COL5A2: variants seen among roughly 807,000 people sequenced by gnomAD.
The protein encoded by COL5A2 is collagen type V alpha 2 chain, also known as collagen alpha-2(V) chain.
Under a neutral mutation model 208.2 loss-of-function variants are expected in COL5A2, and 23 were observed. The observed-to-expected ratio is 0.11, with a 90% CI of 0.08 to 0.16. The LOEUF is 0.16. COL5A2 is among the 10% of genes least tolerant of loss of function. The pLI is 1.00. For missense variants in COL5A2, 1,590 were observed against 1,956.4 expected, an observed-to-expected ratio of 0.81 and a Z score of 3.53; for synonymous variants, 625 against 628.5, an observed-to-expected ratio of 0.99 and a Z score of 0.08.
In COL5A2 at chr2:189,041,573, T is replaced by C. The variant is rs761408057; in HGVS notation, c.3633+13A>G. The C allele has an allele frequency of 6.3e-7, 1 of 1,583,904 alleles. No individual in the cohort carries two copies. The highest frequency in any genetic ancestry group is 1.1e-5 in the South Asian group (1 of 90,454). On this transcript the variant is annotated intron_variant, in intron 50 of 53. Transcript: ENST00000374866. The stretch of plus-strand genomic sequence containing the variant: ...AAATAGCATTTCTTGCATGTAAACC[T>C]TTGTGACTTTACCTCAGGTCCTGCT...
intron 1 of COL5A2, among the ~76,000 whole-genome samples, chr2:189,175,685 G>A (rs909950903): frequency 7.3e-5 from 11 of 151,500 alleles, no homozygotes; most frequent in African/African-American, 9.7e-5. Context: ...CTGGGACCAC[G>A]CCTACCTAAT....
At chr2:189,142,134 T>C (rs1687945804) in intron 1 of COL5A2, among the ~76,000 whole-genome samples, 1 of 152,096 alleles carries the variant, frequency 6.6e-6, no homozygotes. Flanking sequence ...TAAAGTTTAA[T>C]CTATATGTTT....
chr2:189,417,802 T>TTGTG, the COL5A2 span, among the ~76,000 whole-genome samples: 1 of 151,426 alleles, frequency 6.6e-6, no homozygotes, highest in East Asian at 1.9e-4. Flanking sequence ...TATTGTTCCA[T>TTGTG]TGTGTGTGTG....
At position 189,068,042 on chromosome 2, in the gene COL5A2, A is replaced by C. The variant is rs1185471175; in HGVS notation, c.1374T>G (p.Thr458=). The change falls in exon 21 of 54, where the codon ACT becomes ACG. Residue 458 remains threonine, a synonymous_variant. Coordinates refer to ENST00000374866, the MANE Select transcript of COL5A2 (RefSeq NM_000393.5). ...GTTGGCCTCGAATTCCCTGAGGACC[A>C]GTGCTACCCTGAGGTCCTGGAGATC... The part of the protein sequence containing the change: ...PPGSPGPQGS[T]GPQGIRGQPG... 1.2e-6 allele frequency: 2 copies of C among 1,614,080 alleles called. No homozygotes were observed. The highest frequency in any genetic ancestry group is 1.7e-5 in the Admixed American group (1 of 59,994).
intron 4 of COL5A2, among the ~76,000 whole-genome samples, 199 bp downstream of exon 4, chr2:189,099,908 T>C (rs1299861045): frequency 3.3e-5 from 5 of 152,216 alleles, no homozygotes; most frequent in African/African-American, 1.2e-4. Flanking sequence ...GTCATGGGAC[T>C]ATAAAAGTCA....
At chr2:189,108,814 C>T (rs918922463) in intron 2 of COL5A2, among the ~76,000 whole-genome samples, 1 of 151,528 alleles carries the variant, frequency 6.6e-6, no homozygotes, top group African/African-American at 2.4e-5. Flanking sequence ...TTCTCATGGC[C>T]CTTGCTTTAT....
At chr2:189,067,526 C>A (rs1304299985) in intron 21 of COL5A2, among the ~76,000 whole-genome samples, 2 of 152,002 alleles carry the variant, frequency 1.3e-5, no homozygotes, top group Admixed American at 1.3e-4. Context: ...ATGGGTTCAT[C>A]AAAATATTTT....
intron 12 of COL5A2, among the ~76,000 whole-genome samples, chr2:189,082,369 A>G (rs962897339): frequency 2.0e-5 from 3 of 152,212 alleles, no homozygotes; most frequent in Non-Finnish European, 2.9e-5. Context: ...TGCTCTCTGA[A>G]CAAATGAAGT....
the COL5A2 span, among the ~76,000 whole-genome samples, chr2:189,356,235 T>C: frequency 1.3e-5 from 2 of 152,174 alleles, 1 homozygote; most frequent in Admixed American, 1.3e-4. Flanking sequence ...TTGGTGAATC[T>C]GAGAATTATG....
chr2:189,045,963 T>A, intron 45 of COL5A2, 56 bp from the exon 46 acceptor site: 1 of 1,424,768 alleles, frequency 7.0e-7, no homozygotes. Context: ...ACAACAATAT[T>A]CCATATGTTC....
chr2:189,318,272 G>A, the COL5A2 span, among the ~76,000 whole-genome samples: 1 of 152,092 alleles, frequency 6.6e-6, no homozygotes, highest in Non-Finnish European at 1.5e-5. Flanking sequence ...AGTATGACAA[G>A]GGGATAAAAA....
At chr2:189,133,074 T>TAACAGGCA (rs1687748906) in intron 1 of COL5A2, 1 of 151,058 alleles carries the variant, frequency 6.6e-6, no homozygotes, top group African/African-American at 2.4e-5. Context: ...TTGAATTCAT[T>TAACAGGCA]AACAGGCAAA....
intron 1 of COL5A2, among the ~76,000 whole-genome samples, chr2:189,126,876 G>C (rs1478349398): frequency 6.6e-6 from 1 of 152,066 alleles, no homozygotes; most frequent in Admixed American, 6.6e-5. Context: ...CAAATACTGA[G>C]TACCTATTAT....
Position 189,142,688 on chromosome 2 carries a change from T to G in COL5A2, c.98-32239A>C, listed in dbSNP as rs966972792. 5.9e-5 allele frequency among the ~76,000 whole-genome samples: 9 copies of G among 152,328 alleles called. No individual in the cohort carries two copies. In the East Asian group the frequency reaches 1.7e-3, roughly 29 times the overall value. ...ACATCCTTCAGATTTCTTTATACTA[T>G]GATTACCCTGCAATCTATCTTAAAC... On this transcript the variant is annotated intron_variant, in intron 1 of 53. Coordinates refer to ENST00000374866, the MANE Select transcript of COL5A2 (RefSeq NM_000393.5).
chr2:189,288,910 T>C, the COL5A2 span, among the ~76,000 whole-genome samples: 1 of 151,970 alleles, frequency 6.6e-6, no homozygotes, highest in South Asian at 2.1e-4. Context: ...AAAATGAAGA[T>C]CAATAAATGT....
intron 23 of COL5A2, among the ~76,000 whole-genome samples, chr2:189,065,758 T>C (rs1168035612): frequency 6.6e-6 from 1 of 152,220 alleles, no homozygotes; most frequent in East Asian, 1.9e-4. Context: ...CCTGTCTCAC[T>C]GTGCTCCAGT....
the COL5A2 span, among the ~76,000 whole-genome samples, chr2:189,405,259 T>C: frequency 6.6e-6 from 1 of 151,682 alleles, no homozygotes; most frequent in Admixed American, 6.6e-5. Context: ...TTAGATAGGG[T>C]GTTGCTCTGT....
chr2:189,207,616 A>G (rs919032085), intron 1 of COL5A2, among the ~76,000 whole-genome samples: 8 of 152,174 alleles, frequency 5.3e-5, no homozygotes, highest in Non-Finnish European at 1.2e-4. Context: ...ACAATGAAAT[A>G]AGTATTCTAG....
chr2:189,267,014 T>C, the COL5A2 span, among the ~76,000 whole-genome samples: 1 of 151,802 alleles, frequency 6.6e-6, no homozygotes, highest in East Asian at 1.9e-4. Flanking sequence ...AAATGATAAA[T>C]GAATTGATAA....
Sources: gnomAD v4.1 joint callset for allele counts (sites outside exome capture counted in the v4.1 genomes callset) on GRCh38, gnomAD v4.1.1 for gene constraint, MANE v1.5 for transcripts, NCBI Gene and HGNC (gene_info 2026-07-23, HGNC 2026-07-21) for gene names.